ASAH1: variants seen among roughly 807,000 people sequenced by gnomAD.
ASAH1 encodes acid ceramidase.
In ASAH1, 70 loss-of-function variants were observed where a neutral mutation model predicts 59.5. That is an observed-to-expected ratio of 1.18 (90% CI 0.97 to 1.43). The LOEUF (loss-of-function observed/expected upper bound fraction) is 1.43, where lower values mean the gene tolerates loss of function less well. Among genes scored for constraint, ASAH1 ranks in the 40% most tolerant of loss-of-function variants. ASAH1 has a pLI of 0.00. For missense variants in ASAH1, 660 were observed against 482.5 expected, an observed-to-expected ratio of 1.37 and a Z score of -3.45; for synonymous variants, 213 against 166.5, an observed-to-expected ratio of 1.28 and a Z score of -2.15.
Position 18,057,426 on chromosome 8 carries a change from C to G in ASAH1, c.*108G>C. 1 of 796,494 alleles carries G rather than the reference C, an allele frequency of 1.3e-6. No homozygotes were observed. The highest frequency in any genetic ancestry group is 2.1e-6 in the Non-Finnish European group (1 of 480,780). 49.3% of individuals were successfully genotyped at this position (796,494 alleles called of 1,614,324 possible). A position where few individuals can be genotyped will look rare whatever the true frequency, so the allele number is the denominator to read the frequency against. On this transcript the variant is annotated 3_prime_UTR_variant, in exon 14 of 14. Transcript: ENST00000637790. ...AGACAAGCTATTGACTCAAAGAGAA[C>G]CTGCCGCGAGTCTTAGTCTTTGGAA...
At position 18,067,289 on chromosome 8, in the gene ASAH1, G is replaced by C; in HGVS notation, c.313C>G (p.Leu105Val). ...TCAAAAGGGCCAGGAAAGTTGCCAA[G>C]TAGGCCAGGCTGGAAAACAAATATA... ...QVVDEKLPGL[L>V]GNFPGPFEEE... Residue 105 changes from leucine to valine, a missense_variant, in exon 5 of 14, where the codon CTT becomes GTT. Leu to Val is a conservative substitution (Grantham distance 32). Transcript: ENST00000637790. 1.3e-6 allele frequency: 2 copies of C among 1,595,676 alleles called. No homozygotes were observed. Among genetic ancestry groups the C allele is most frequent in the Non-Finnish European group, 1.7e-6 (2 of 1,170,432 alleles).
chr8:18,059,667 C>T lies in ASAH1; in HGVS notation c.822G>A (p.Lys274=). 6.2e-7 allele frequency: 1 copy of T among 1,614,212 alleles called. No individual in the cohort carries two copies. Among genetic ancestry groups the T allele is most frequent in the South Asian group, 1.1e-5 (1 of 91,080 alleles). The change falls in exon 11 of 14, where the codon AAG becomes AAA. Residue 274 remains lysine, a synonymous_variant. Transcript: ENST00000637790. The part of the protein sequence containing the change: ...EEAKNLLTKT[K]ILAPAYFILG... ...GGATAAAGTAGGCTGGGGCCAATAT[C>T]TTGGTCTTGGTCAATAAATTCTTGG...
intron 1 of ASAH1, among the ~76,000 whole-genome samples, chr8:18,081,738 T>C (rs184085888): frequency 1.3e-5 from 2 of 152,368 alleles, no homozygotes; most frequent in East Asian, 3.9e-4. Flanking sequence ...ATTATTCATA[T>C]TTATTGAAAG....
intron 3 of ASAH1, among the ~76,000 whole-genome samples, chr8:18,070,173 G>C (rs1274559566): frequency 2.0e-5 from 3 of 151,080 alleles, no homozygotes; most frequent in Non-Finnish European, 4.4e-5. Flanking sequence ...TTTTAAGACG[G>C]AGTTTTGCTC....
At chr8:18,075,140 C>T (rs186246963) in intron 2 of ASAH1, among the ~76,000 whole-genome samples, 78 of 151,650 alleles carry the variant, frequency 5.1e-4, no homozygotes, top group Non-Finnish European at 7.9e-4. Flanking sequence ...GGACTACAGG[C>T]GCCCGCCACC....
intron 2 of ASAH1, among the ~76,000 whole-genome samples, chr8:18,074,497 G>A (rs57869138): frequency 0.11 from 16,435 of 152,194 alleles, 990 homozygotes; most frequent in African/African-American, 0.15. Context: ...TGCACGAACT[G>A]AAAATGTCAT....
chr8:18,056,461 G>A lies in ASAH1; in HGVS notation c.*1073C>T, dbSNP rs7508. ...TGACTGCTGACTGGCACTCTTTCCA[G>A]TGACTGTTTATTGAGTGTCAGGAAC... On this transcript the variant is annotated 3_prime_UTR_variant, in exon 14 of 14. Transcript: ENST00000637790. 115,947 of 152,126 alleles carry A rather than the reference G, an allele frequency of 0.76. 44,952 individuals carry two copies. The highest frequency in any genetic ancestry group is 0.92 in the African/African-American group (38,113 of 41,524). 9.4% of individuals were successfully genotyped at this position (152,126 alleles called of 1,614,324 possible). A position where few individuals can be genotyped will look rare whatever the true frequency, so the allele number is the denominator to read the frequency against.
Position 18,057,537 on chromosome 8 carries a change from C to T in ASAH1, c.1185G>A (p.Trp395Ter). 6.3e-7 allele frequency: 1 copy of T among 1,596,940 alleles called. No homozygotes were observed. Among genetic ancestry groups the T allele is most frequent in the Non-Finnish European group, 8.6e-7 (1 of 1,168,502 alleles). ...LRDCPDPCIGW is the reference protein window; with the variant it reads ...LRDCPDPCIG ...ATTCTGTAGGCCAGACGTGTGCTCA[C>T]CAACCTATACAAGGGTCAGGGCAGT... Residue 395 changes from tryptophan (W) to a stop codon, truncating the protein, a stop_gained, in exon 14 of 14, where the codon TGG (tryptophan) becomes TGA (stop). Transcript: ENST00000637790. LOFTEE classifies it high-confidence loss of function.
At chr8:18,066,517 A>C (rs951919549) in intron 5 of ASAH1, 1 of 148,060 alleles carries the variant, frequency 6.8e-6, no homozygotes, top group African/African-American at 2.5e-5. Context: ...GACACTCAAC[A>C]AAAAGGCTCA....
intron 7 of ASAH1, chr8:18,062,840 T>C (rs1463846232): frequency 2.1e-5 from 7 of 337,142 alleles, no homozygotes; most frequent in Non-Finnish European, 3.3e-5. Context: ...CAACCTACTC[T>C]TCCTACAGAC....
rs199818871 is a variant in ASAH1 at position 18,073,219 on chromosome 8, C to T, written c.126-1829G>A. 350 of 1,536,688 alleles carry T rather than the reference C, an allele frequency of 2.3e-4. No homozygotes were observed. The African/African-American group carries it at 2.6e-3, about 11-fold the overall frequency. On this transcript the variant is annotated intron_variant, in intron 2 of 13. Transcript: ENST00000637790. ...AAAACATTTCAGTATTTAACTTGTG[C>T]GCCTCCATTTCCCCATAAGAATAAA... is the stretch of plus-strand genomic sequence containing the variant.
At chr8:18,074,304 C>A (rs990176985) in intron 2 of ASAH1, among the ~76,000 whole-genome samples, 2 of 151,856 alleles carry the variant, frequency 1.3e-5, no homozygotes, top group Non-Finnish European at 2.9e-5. Context: ...TGAACACTGG[C>A]CCCAAACAAC....
intron 1 of ASAH1, among the ~76,000 whole-genome samples, chr8:18,078,037 T>C (rs1336153471): frequency 6.6e-6 from 1 of 152,126 alleles, no homozygotes; most frequent in Non-Finnish European, 1.5e-5. Context: ...CCCTGTTCTA[T>C]CAAACAGCTT....
chr8:18,084,423 G>A, upstream of ASAH1: 1 of 1,371,950 alleles, frequency 7.3e-7, no homozygotes, highest in Non-Finnish European at 9.5e-7. Context: ...CGCCTCGATG[G>A]GGCGCCTCTA....
Position 18,084,026 on chromosome 8 carries a change from G to C in ASAH1, c.33C>G (p.Leu11=), listed in dbSNP as rs560036572. The C allele has an allele frequency of 1.3e-6, 2 of 1,598,498 alleles. No individual in the cohort carries two copies. The highest frequency in any genetic ancestry group is 3.3e-5 in the Admixed American group (2 of 60,006). ...CGGCACAGCTGACGGCGGCAGCCAG[G>C]AGGACTAAGGCGACGCAACTCCGGC... MPGRSCVALV[L]LAAAVSCAVA... is the part of the protein sequence containing the mutation. The change falls in exon 1 of 14, where the codon CTC becomes CTG. Residue 11 remains leucine (L), a synonymous_variant. Coordinates refer to ENST00000637790, the MANE Select transcript of ASAH1 (RefSeq NM_177924.5).
chr8:18,073,527 G>C (rs965142826), intron 2 of ASAH1, among the ~76,000 whole-genome samples: 13 of 152,214 alleles, frequency 8.5e-5, no homozygotes, highest in African/African-American at 3.1e-4. Flanking sequence ...AAGAGAGCAA[G>C]TGCTAGGCAT....
chr8:18,080,864 G>A (rs1010425591), intron 1 of ASAH1, among the ~76,000 whole-genome samples: 9 of 152,168 alleles, frequency 5.9e-5, no homozygotes, highest in Non-Finnish European at 1.5e-5. Flanking sequence ...GGCCTGTCCT[G>A]TTTTAACTTT....
intron 1 of ASAH1, among the ~76,000 whole-genome samples, chr8:18,081,571 C>G (rs960885037): frequency 1.3e-5 from 2 of 152,200 alleles, no homozygotes; most frequent in Admixed American, 6.5e-5. Context: ...TCTTCACCAT[C>G]ATCTCTTAAT....
In ASAH1 at chr8:18,071,702, C is replaced by T. The variant is rs1001603505; in HGVS notation, c.126-312G>A. 4.8e-5 allele frequency among the ~76,000 whole-genome samples: 6 copies of T among 124,614 alleles called. No homozygotes were observed. The South Asian group carries it at 1.4e-3, about 28-fold the overall frequency. The allele number at this position is 124,614 out of a possible 152,430, so 81.8% of individuals were successfully genotyped here. A position where few individuals can be genotyped will look rare whatever the true frequency, so the allele number is the denominator to read the frequency against. ...GATTATCACTGACGGGAAATACCTG[C>T]CATTTTTTTTTTCTCCTAAATATCT... On this transcript the variant is annotated intron_variant, in intron 2 of 13. Transcript: ENST00000637790.
Sources: allele counts gnomAD v4.1 joint callset (sites outside exome capture counted in the v4.1 genomes callset), GRCh38; gene constraint gnomAD v4.1.1; transcripts MANE v1.5; gene names NCBI Gene and HGNC (gene_info 2026-07-23, HGNC 2026-07-21).